The following FAM171A1 variants were observed in gnomAD, a reference collection of about 807,000 sequenced individuals.
FAM171A1 encodes the protein protein FAM171A1.
Under a neutral mutation model 74.9 loss-of-function variants are expected in FAM171A1, and 23 were observed. The ratio of observed to expected loss-of-function variants is 0.31; its 90% CI spans 0.22 to 0.44. The LOEUF (loss-of-function observed/expected upper bound fraction) is 0.44, where lower values mean the gene tolerates loss of function less well. Ranked by LOEUF, FAM171A1 falls within the 20% of genes least tolerant of loss-of-function variation. The pLI, the probability that FAM171A1 is intolerant of heterozygous loss-of-function variation, is 1.00. For synonymous variants in FAM171A1, 527 were observed against 505.7 expected, an observed-to-expected ratio of 1.04 and a Z score of -0.57; for missense variants, 1,162 against 1,159.2, an observed-to-expected ratio of 1.00 and a Z score of -0.03.
At chr10:15,362,406 T>C (rs1019076287) in intron 1 of FAM171A1, among the ~76,000 whole-genome samples, 42 of 152,332 alleles carry the variant, frequency 2.8e-4, no homozygotes, top group African/African-American at 9.4e-4. Context: ...CCTTGAAATA[T>C]CTAGAAATCA....
intron 3 of FAM171A1, among the ~76,000 whole-genome samples, chr10:15,256,718 G>A (rs993314921): frequency 1.4e-4 from 21 of 152,114 alleles, no homozygotes; most frequent in African/African-American, 4.8e-4. Context: ...ACAGAATACC[G>A]ATGTCTTACT....
At chr10:15,339,363 C>T (rs886082513) in intron 1 of FAM171A1, among the ~76,000 whole-genome samples, 4 of 152,072 alleles carry the variant, frequency 2.6e-5, no homozygotes, top group East Asian at 1.9e-4. Flanking sequence ...TTCTGAGTAC[C>T]GCATCACATT....
At position 15,269,287 on chromosome 10, in the gene FAM171A1, A is replaced by C. The variant is rs989988473; in HGVS notation, c.418+6568T>G. Among the ~76,000 whole-genome samples, 4 of 150,364 alleles carry C rather than the reference A, an allele frequency of 2.7e-5. No homozygotes were observed. In the East Asian group the frequency reaches 7.8e-4, roughly 29 times the overall value. On this transcript the variant is annotated intron_variant, in intron 3 of 7. Transcript: ENST00000378116. The stretch of plus-strand genomic sequence containing the variant: ...CAGTAGCATACACAGATTTTTTTTC[A>C]TTTTTATTTTTAGTAGAGATGGAGT...
chr10:15,259,211 C>T (rs887373032), intron 3 of FAM171A1, among the ~76,000 whole-genome samples: 8 of 152,184 alleles, frequency 5.3e-5, no homozygotes, highest in African/African-American at 1.7e-4. Context: ...CCAATCTTCC[C>T]TTAACAAATT....
At chr10:15,238,359 AT>A (rs1187203859) in intron 5 of FAM171A1, among the ~76,000 whole-genome samples, 1 of 152,172 alleles carries the variant, frequency 6.6e-6, no homozygotes, top group Non-Finnish European at 1.5e-5. Flanking sequence ...CTCTTGATCA[AT>A]ATCCCCTACC....
intron 6 of FAM171A1, among the ~76,000 whole-genome samples, chr10:15,219,820 T>G (rs986913052): frequency 1.3e-5 from 2 of 152,220 alleles, no homozygotes; most frequent in African/African-American, 2.4e-5. Flanking sequence ...GACCTCGTGA[T>G]CCGCCCTCCT....
At chr10:15,258,769 C>T (rs1163048591) in intron 3 of FAM171A1, among the ~76,000 whole-genome samples, 1 of 152,188 alleles carries the variant, frequency 6.6e-6, no homozygotes, top group African/African-American at 2.4e-5. Context: ...GATTCATGGT[C>T]CTGCACTCTG....
At chr10:15,247,877 C>T (rs1477060751) in intron 5 of FAM171A1, among the ~76,000 whole-genome samples, 2 of 152,176 alleles carry the variant, frequency 1.3e-5, no homozygotes, top group Admixed American at 1.3e-4. Context: ...GGAGGTAAGG[C>T]CTCTGGTCAA....
At chr10:15,255,404 G>A (rs1834566462) in intron 3 of FAM171A1, among the ~76,000 whole-genome samples, 1 of 152,220 alleles carries the variant, frequency 6.6e-6, no homozygotes, top group Admixed American at 6.5e-5. Flanking sequence ...CAGCGGCAAT[G>A]AATCTTCTCT....
chr10:15,315,758 G>A (rs1835414595), intron 1 of FAM171A1, among the ~76,000 whole-genome samples: 1 of 152,176 alleles, frequency 6.6e-6, no homozygotes, highest in South Asian at 2.1e-4. Context: ...CCCAAGCTCA[G>A]GCCTTAAGAA....
intron 3 of FAM171A1, among the ~76,000 whole-genome samples, chr10:15,262,831 A>G (rs747441782): frequency 5.9e-5 from 9 of 152,164 alleles, no homozygotes; most frequent in Admixed American, 5.9e-4. Flanking sequence ...GAGAATGTGA[A>G]GGGGTTCATG....
upstream of FAM171A1, among the ~76,000 whole-genome samples, chr10:15,374,548 A>G (rs1429557765): frequency 6.6e-6 from 1 of 152,266 alleles, no homozygotes; most frequent in Non-Finnish European, 1.5e-5. Flanking sequence ...ACACCCACTC[A>G]GTAACTAAGG....
chr10:15,225,574 G>T (rs1228433016), intron 5 of FAM171A1, among the ~76,000 whole-genome samples: 1 of 152,198 alleles, frequency 6.6e-6, no homozygotes, highest in African/African-American at 2.4e-5. Context: ...GCCACTGTGG[G>T]ATGCAGACAG....
chr10:15,338,825 C>T (rs1042337751), intron 1 of FAM171A1, among the ~76,000 whole-genome samples: 2 of 152,212 alleles, frequency 1.3e-5, no homozygotes, highest in Non-Finnish European at 2.9e-5. Context: ...CCTGCAACCT[C>T]CACCTCCCAG....
intron 1 of FAM171A1, among the ~76,000 whole-genome samples, chr10:15,311,708 C>T (rs1835361309): frequency 6.6e-6 from 1 of 152,096 alleles, no homozygotes; most frequent in Non-Finnish European, 1.5e-5. Context: ...TGATTGCTCT[C>T]AAGATAAAGA....
At chr10:15,348,457 T>C (rs918280839) in intron 1 of FAM171A1, among the ~76,000 whole-genome samples, 9 of 152,146 alleles carry the variant, frequency 5.9e-5, no homozygotes, top group Non-Finnish European at 1.2e-4. Context: ...CTTTCTTAAA[T>C]TGAGATGTTA....
chr10:15,349,394 A>G (rs929414096), intron 1 of FAM171A1, among the ~76,000 whole-genome samples: 2 of 152,224 alleles, frequency 1.3e-5, no homozygotes, highest in South Asian at 4.1e-4. Context: ...ATAAATATCC[A>G]TGAATCAGTG....
At chr10:15,335,329 C>A (rs1438683878) in intron 1 of FAM171A1, among the ~76,000 whole-genome samples, 1 of 152,170 alleles carries the variant, frequency 6.6e-6, no homozygotes, top group Non-Finnish European at 1.5e-5. Flanking sequence ...AAGAAGTCAA[C>A]ACACACACTC....
chr10:15,213,936 G>T lies in FAM171A1; in HGVS notation c.1652C>A (p.Pro551His). 1 of 1,614,160 alleles carries T rather than the reference G, an allele frequency of 6.2e-7. No homozygotes were observed. The highest frequency in any genetic ancestry group is 1.3e-5 in the African/African-American group (1 of 75,046). Residue 551 changes from proline (P) to histidine (H), a missense_variant, in exon 8 of 8, where the codon CCT becomes CAT. Transcript: ENST00000378116. This position sits in a 1 kb window ranked among gnomAD's most constrained non-coding sequence, Gnocchi z 6.8. ...CTGGCCGGGCCGTGGGAAGGACGTAGGTCTCTCGAGGTGATCTACTGATCG... is the reference window on the plus strand; with the variant it reads ...CTGGCCGGGCCGTGGGAAGGACGTATGTCTCTCGAGGTGATCTACTGATCG... Reference protein sequence around the residue: ...MSRSVDHLERPTSFPRPGQLI... With the variant: ...MSRSVDHLERHTSFPRPGQLI...
Sources: allele counts gnomAD v4.1 joint callset (sites outside exome capture counted in the v4.1 genomes callset), GRCh38; gene constraint gnomAD v4.1.1; non-coding constraint Gnocchi (gnomAD v3.1); transcripts MANE v1.5; gene names NCBI Gene and HGNC (gene_info 2026-07-23, HGNC 2026-07-21).